The following GABRB1 variants were observed in gnomAD, a reference collection of about 807,000 sequenced individuals.
GABRB1 encodes gamma-aminobutyric acid receptor subunit beta-1.
Under a neutral mutation model 51.6 loss-of-function variants are expected in GABRB1, and 17 were observed. The ratio of observed to expected loss-of-function variants is 0.33; its 90% CI spans 0.23 to 0.49. The LOEUF is 0.49. GABRB1 is among the 20% of genes least tolerant of loss of function. The pLI is 0.99. For synonymous variants in GABRB1, 247 were observed against 218.9 expected (o/e 1.13, Z -1.14); for missense variants, 410 against 600.6 (o/e 0.68, Z 3.32).
At chr4:47,187,022 T>C (rs1224115623) in intron 4 of GABRB1, among the ~76,000 whole-genome samples, 1 of 151,888 alleles carries the variant, frequency 6.6e-6, no homozygotes, top group Non-Finnish European at 1.5e-5. Context: ...AGTGACTTGC[T>C]AAATGTTGCA....
At chr4:47,397,558 T>A (rs115477169) in intron 5 of GABRB1, among the ~76,000 whole-genome samples, 2,567 of 152,198 alleles carry the variant, frequency 0.017, 83 homozygotes, top group African/African-American at 0.059. Flanking sequence ...TAGTTGCTTC[T>A]TATTTCTACT....
chr4:47,141,258 C>T (rs2109693763), intron 3 of GABRB1, among the ~76,000 whole-genome samples: 1 of 152,034 alleles, frequency 6.6e-6, no homozygotes, highest in Admixed American at 6.6e-5. Context: ...TCGTTGTTCC[C>T]GTCCATCAGC....
chr4:47,253,033 A>C (rs1722052705), intron 4 of GABRB1, among the ~76,000 whole-genome samples: 1 of 152,228 alleles, frequency 6.6e-6, no homozygotes, highest in South Asian at 2.1e-4. Context: ...AGGAAGAAGA[A>C]ATGATCATTA....
chr4:47,100,579 C>A (rs1402512914), intron 3 of GABRB1, among the ~76,000 whole-genome samples: 5 of 151,918 alleles, frequency 3.3e-5, no homozygotes, highest in Non-Finnish European at 5.9e-5. Flanking sequence ...TAGAATCAGT[C>A]CGTTCTCTCC....
chr4:47,032,413 G>A lies in GABRB1; in HGVS notation c.173-4G>A, dbSNP rs2109468972. 6.3e-7 allele frequency: 1 copy of A among 1,581,332 alleles called. No individual in the cohort carries two copies. The highest frequency in any genetic ancestry group is 8.6e-7 in the Non-Finnish European group (1 of 1,160,712). ...GTTCCTAATGTGGCCCACCTCCCCG[G>A]CAGGGCCCCCCGTCGACGTTGGGAT... On this transcript the variant is annotated splice_region_variant and splice_polypyrimidine_tract_variant and intron_variant, in intron 2 of 8. Coordinates refer to ENST00000295454, the MANE Select transcript of GABRB1 (RefSeq NM_000812.4).
intron 3 of GABRB1, among the ~76,000 whole-genome samples, chr4:47,089,433 T>A (rs1728209303): frequency 6.6e-6 from 1 of 152,216 alleles, no homozygotes; most frequent in African/African-American, 2.4e-5. Flanking sequence ...TTTGAGACTA[T>A]TTCCTCATTT....
At chr4:47,063,273 C>A (rs958109831) in intron 3 of GABRB1, among the ~76,000 whole-genome samples, 1 of 151,978 alleles carries the variant, frequency 6.6e-6, no homozygotes, top group Non-Finnish European at 1.5e-5. Context: ...ATTTGAGGAA[C>A]CTTTTTTAGG....
At chr4:47,205,344 T>C (rs1345063364) in intron 4 of GABRB1, among the ~76,000 whole-genome samples, 3 of 152,176 alleles carry the variant, frequency 2.0e-5, no homozygotes, top group Non-Finnish European at 4.4e-5. Flanking sequence ...AAAGGAATTA[T>C]GATTAAGTCA....
chr4:47,119,950 A>C (rs1715694285), intron 3 of GABRB1, among the ~76,000 whole-genome samples: 1 of 152,192 alleles, frequency 6.6e-6, no homozygotes, highest in African/African-American at 2.4e-5. Context: ...GGTTTAATGT[A>C]ACTAGTAATT....
rs1727175762 is a variant in GABRB1, at chr4:47,371,097, A to ACC, written c.545-32219_545-32218dup. On this transcript the variant is annotated intron_variant, in intron 5 of 8. Transcript: ENST00000295454. ...CTAATGCTCTCCCTCCCCCACCCCC[A>ACC]CCCTGACAGGCTCCAGTGTGTATTG... Among the ~76,000 whole-genome samples, 227 of 50,768 alleles carry ACC rather than the reference A, an allele frequency of 4.5e-3. 1 individual carries two copies. The highest frequency in any genetic ancestry group is 0.017 in the African/African-American group (214 of 12,874). The allele number at this position is 50,768 out of a possible 152,430, so 33.3% of individuals were successfully genotyped here. A position where few individuals can be genotyped will look rare whatever the true frequency, so the allele number is the denominator to read the frequency against.
intron 5 of GABRB1, among the ~76,000 whole-genome samples, chr4:47,357,471 C>T (rs928692176): frequency 9.2e-5 from 14 of 152,192 alleles, no homozygotes; most frequent in Non-Finnish European, 1.8e-4. Context: ...GCCCATCTCC[C>T]ATCATCAAAA....
intron 3 of GABRB1, among the ~76,000 whole-genome samples, chr4:47,094,921 C>T (rs1017943192): frequency 2.6e-5 from 4 of 152,036 alleles, no homozygotes; most frequent in African/African-American, 9.7e-5. Flanking sequence ...GCCTGTTGAA[C>T]TGGTAAAGTA....
At chr4:47,295,212 C>G (rs1723924081) in intron 4 of GABRB1, among the ~76,000 whole-genome samples, 2 of 152,158 alleles carry the variant, frequency 1.3e-5, no homozygotes. Flanking sequence ...TCTCCTCCTC[C>G]AAAGGAATGC....
At chr4:46,999,196 G>A (rs142785146) in intron 1 of GABRB1, among the ~76,000 whole-genome samples, 1,806 of 152,216 alleles carry the variant, frequency 0.012, 16 homozygotes, top group Middle Eastern at 0.058. Flanking sequence ...GTAAATACTG[G>A]AGGTATGATT....
intron 5 of GABRB1, among the ~76,000 whole-genome samples, chr4:47,329,553 G>T (rs1040694053): frequency 6.8e-6 from 1 of 147,994 alleles, no homozygotes; most frequent in Non-Finnish European, 1.5e-5. Flanking sequence ...TATATATTTA[G>T]AATAGAAGCC....
At chr4:47,087,680 GA>G (rs1174829406) in intron 3 of GABRB1, among the ~76,000 whole-genome samples, 2 of 151,686 alleles carry the variant, frequency 1.3e-5, no homozygotes, top group Non-Finnish European at 2.9e-5. Context: ...GTTTTCCTTT[GA>G]AAAAACATTT....
intron 3 of GABRB1, among the ~76,000 whole-genome samples, chr4:47,115,527 G>C (rs542829188): frequency 6.6e-6 from 1 of 151,710 alleles, no homozygotes; most frequent in East Asian, 1.9e-4. Context: ...AAAAATTACT[G>C]TTGTTTAATG....
chr4:47,038,234 T>G (rs956828265), intron 3 of GABRB1, among the ~76,000 whole-genome samples: 1 of 152,184 alleles, frequency 6.6e-6, no homozygotes, highest in Non-Finnish European at 1.5e-5. Flanking sequence ...TGTAGCCTCC[T>G]GGGAACATTG....
intron 5 of GABRB1, among the ~76,000 whole-genome samples, chr4:47,358,613 G>A (rs1318098691): frequency 2.0e-5 from 3 of 151,544 alleles, no homozygotes; most frequent in Non-Finnish European, 4.4e-5. Flanking sequence ...TCTTCTTTTA[G>A]GGATACCAGT....
Sources: allele counts gnomAD v4.1 joint callset (sites outside exome capture counted in the v4.1 genomes callset), GRCh38; gene constraint gnomAD v4.1.1; transcripts MANE v1.5; gene names NCBI Gene and HGNC (gene_info 2026-07-23, HGNC 2026-07-21).